Variants in DCDC1 observed in about 807,000 individuals in gnomAD.
The protein encoded by DCDC1 is doublecortin domain containing 1.
A neutral mutation model predicts 178.3 loss-of-function variants in DCDC1; 200 were observed. The ratio of observed to expected loss-of-function variants is 1.12; its 90% CI spans 1.00 to 1.26. The LOEUF is 1.26. DCDC1 is among the 50% of genes most tolerant of loss of function. The pLI, the probability that DCDC1 is intolerant of heterozygous loss-of-function variation, is 0.00. For missense variants in DCDC1, 1,983 were observed against 1,749.2 expected, an observed-to-expected ratio of 1.13 and a Z score of -2.38; for synonymous variants, 690 against 604.8, an observed-to-expected ratio of 1.14 and a Z score of -2.07.
chr11:31,069,659 C>T (rs1440835325), intron 18 of DCDC1, among the ~76,000 whole-genome samples: 2 of 152,146 alleles, frequency 1.3e-5, no homozygotes, highest in African/African-American at 2.4e-5. Flanking sequence ...CCATAAGTAA[C>T]AGCAGCATGG....
intron 15 of DCDC1, among the ~76,000 whole-genome samples, chr11:31,099,488 T>C (rs1050558556): frequency 6.6e-6 from 1 of 152,184 alleles, no homozygotes; most frequent in South Asian, 2.1e-4. Context: ...TTCTCCCCCA[T>C]CTACGCTGAT....
chr11:30,898,660 G>C (rs1410481394), intron 34 of DCDC1, among the ~76,000 whole-genome samples: 2 of 152,168 alleles, frequency 1.3e-5, no homozygotes, highest in Non-Finnish European at 2.9e-5. Context: ...TCTAGCAGTA[G>C]GAGTGGTAGA....
intron 38 of DCDC1, among the ~76,000 whole-genome samples, chr11:30,867,267 G>A (rs893863815): frequency 3.4e-4 from 51 of 152,190 alleles, no homozygotes; most frequent in African/African-American, 1.2e-3. Flanking sequence ...GAAAAAGCAG[G>A]CTTTGAGGTT....
At chr11:31,182,443 A>G (rs1204943602) in intron 9 of DCDC1, among the ~76,000 whole-genome samples, 2 of 152,228 alleles carry the variant, frequency 1.3e-5, no homozygotes, top group Non-Finnish European at 2.9e-5. Flanking sequence ...AAAAGGAAAT[A>G]ATTTTCAACC....
intron 9 of DCDC1, among the ~76,000 whole-genome samples, chr11:31,232,528 C>A (rs1975910424): frequency 6.6e-6 from 1 of 152,012 alleles, no homozygotes. Flanking sequence ...TTTTAAAAAT[C>A]ACATATAACC....
intron 1 of DCDC1, among the ~76,000 whole-genome samples, chr11:31,368,579 C>T (rs1027606266): frequency 6.6e-6 from 1 of 152,214 alleles, no homozygotes; most frequent in African/African-American, 2.4e-5. Context: ...CTAATCTATG[C>T]TTTCATCTTT....
Position 30,968,711 on chromosome 11 carries a change from T to TTATATATA in DCDC1, c.2592-16151_2592-16144dup, listed in dbSNP as rs71451193. Among the ~76,000 whole-genome samples, 452 of 61,024 alleles carry TTATATATA rather than the reference T, an allele frequency of 7.4e-3. 38 individuals are homozygous for TTATATATA. Among genetic ancestry groups the TTATATATA allele is most frequent in the Middle Eastern group, 0.02 (2 of 98 alleles). The allele number at this position is 61,024 out of a possible 152,430, so 40.0% of individuals were successfully genotyped here. On this transcript the variant is annotated intron_variant, in intron 20 of 38. Transcript: ENST00000684477. Reference sequence around the variant, plus strand: ...TATATCAAATTATATATATATCAAATTATATATATATATATATATATATAT... The same window carrying TTATATATA: ...TATATCAAATTATATATATATCAAATTATATATATATATATATATATATATATATATAT...
intron 26 of DCDC1, among the ~76,000 whole-genome samples, chr11:30,916,134 G>A (rs1714339899): frequency 6.6e-6 from 1 of 152,024 alleles, no homozygotes; most frequent in South Asian, 2.1e-4. Flanking sequence ...CAGTATCCCT[G>A]GAAACAGAAC....
At chr11:31,163,225 T>C (rs1374995527) in intron 9 of DCDC1, among the ~76,000 whole-genome samples, 1 of 152,196 alleles carries the variant, frequency 6.6e-6, no homozygotes, top group Non-Finnish European at 1.5e-5. Context: ...AACAGTATTT[T>C]ATTTGAAATC....
chr11:31,009,345 T>A (rs1487347273), intron 20 of DCDC1, among the ~76,000 whole-genome samples: 1 of 152,168 alleles, frequency 6.6e-6, no homozygotes, highest in Non-Finnish European at 1.5e-5. Flanking sequence ...ATCAATGGCC[T>A]CAAAGATATA....
rs1343237332 is a variant in DCDC1, at chr11:31,127,593, A to G, written c.1361T>C (p.Ile454Thr). Residue 454 changes from isoleucine (I) to threonine (T), a missense_variant, in exon 11 of 39, where the codon ATA becomes ACA. By Grantham distance (89) the Ile-to-Thr change is moderately conservative (BLOSUM62 -1). Transcript: ENST00000684477. ...GGGGCCAAGTTTACAGAGATGACCT[A>G]TGTTACTTTTGATAGCTGTCTGCAA... ...DELQTAIKSN[I>T]GHLCKLGPQL... 1.7e-5 allele frequency: 12 copies of G among 702,516 alleles called. No homozygotes were observed. 43.5% of individuals were successfully genotyped at this position (702,516 alleles called of 1,614,324 possible). A position where few individuals can be genotyped will look rare whatever the true frequency, so the allele number is the denominator to read the frequency against.
intron 20 of DCDC1, among the ~76,000 whole-genome samples, chr11:31,058,709 T>C (rs539677510): frequency 6.6e-6 from 1 of 152,132 alleles, no homozygotes; most frequent in Non-Finnish European, 1.5e-5. Context: ...ATCTGAATTA[T>C]GAATATAAAA....
chr11:31,141,651 G>C (rs1963843303), intron 9 of DCDC1, among the ~76,000 whole-genome samples: 1 of 152,124 alleles, frequency 6.6e-6, no homozygotes, highest in Non-Finnish European at 1.5e-5. Context: ...GAAACAACAT[G>C]ATAATCAGCC....
chr11:30,876,345 G>C (rs774838216), intron 38 of DCDC1, among the ~76,000 whole-genome samples: 3 of 152,164 alleles, frequency 2.0e-5, no homozygotes, highest in Non-Finnish European at 4.4e-5. Context: ...GCTGAAGGTA[G>C]AGAAACTGTT....
chr11:31,341,003 C>A (rs947659998), intron 1 of DCDC1, among the ~76,000 whole-genome samples: 3 of 152,142 alleles, frequency 2.0e-5, no homozygotes, highest in Non-Finnish European at 4.4e-5. Context: ...CAGTTAAGGA[C>A]ACCACTGGTT....
intron 12 of DCDC1, among the ~76,000 whole-genome samples, chr11:31,107,533 T>G (rs1390067154): frequency 6.6e-6 from 1 of 152,190 alleles, no homozygotes; most frequent in East Asian, 1.9e-4. Flanking sequence ...TGTTTTTAAG[T>G]TGTAAGAAAG....
chr11:30,916,707 A>G (rs965615817), intron 26 of DCDC1, among the ~76,000 whole-genome samples, 163 bp downstream of exon 26: 1 of 152,222 alleles, frequency 6.6e-6, no homozygotes, highest in Non-Finnish European at 1.5e-5. Context: ...ACCTTCCCGC[A>G]AAATTTTGTA....
At chr11:31,190,919 T>C (rs1346067671) in intron 9 of DCDC1, among the ~76,000 whole-genome samples, 1 of 152,092 alleles carries the variant, frequency 6.6e-6, no homozygotes, top group African/African-American at 2.4e-5. Context: ...CAGTCATCCC[T>C]TCGTATTCAT....
intron 20 of DCDC1, among the ~76,000 whole-genome samples, chr11:30,973,439 C>T (rs944617653): frequency 1.3e-5 from 2 of 152,010 alleles, no homozygotes; most frequent in Non-Finnish European, 2.9e-5. Flanking sequence ...GCCTGTGGAA[C>T]CATGGACTAA....
Sources: allele counts gnomAD v4.1 joint callset (sites outside exome capture counted in the v4.1 genomes callset), GRCh38; gene constraint gnomAD v4.1.1; transcripts MANE v1.5; gene names NCBI Gene and HGNC (gene_info 2026-07-23, HGNC 2026-07-21).